The following MED27 variants were observed in gnomAD, a reference collection of about 807,000 sequenced individuals.
The protein encoded by MED27 is mediator of RNA polymerase II transcription subunit 27.
MED27 carries 30 observed loss-of-function variants against 38.2 expected under a neutral mutation model. That is an observed-to-expected ratio of 0.79 (90% CI 0.59 to 1.07). The LOEUF (loss-of-function observed/expected upper bound fraction) is 1.07. Ranked by LOEUF, MED27 falls within the 50% of genes least tolerant of loss-of-function variation. The pLI is 0.00. For synonymous variants in MED27, 122 were observed against 153.5 expected (o/e 0.79, Z 1.52); for missense variants, 289 against 397.5 (o/e 0.73, Z 2.32).
chr9:132,021,195 T>C (rs1832710488), intron 2 of MED27, among the ~76,000 whole-genome samples: 1 of 152,212 alleles, frequency 6.6e-6, no homozygotes, highest in South Asian at 2.1e-4. Flanking sequence ...ATATCTGTAA[T>C]GGTTAGGGTT....
chr9:132,039,313 C>G (rs549216192), intron 2 of MED27, among the ~76,000 whole-genome samples: 5 of 152,286 alleles, frequency 3.3e-5, no homozygotes, highest in Admixed American at 1.3e-4. Context: ...GAAGAGGAAG[C>G]TGTGTAACTG....
chr9:131,890,331 T>C (rs751238705), intron 5 of MED27, among the ~76,000 whole-genome samples: 20 of 152,150 alleles, frequency 1.3e-4, no homozygotes, highest in Non-Finnish European at 2.6e-4. Flanking sequence ...AAGCACTGCT[T>C]GGGCCAACGC....
At chr9:132,069,167 C>T (rs966397270) in intron 2 of MED27, among the ~76,000 whole-genome samples, 7 of 152,138 alleles carry the variant, frequency 4.6e-5, no homozygotes, top group Admixed American at 3.9e-4. Context: ...CCAGAAAAGG[C>T]TGATGGAAGA....
At position 131,883,350 on chromosome 9, in the gene MED27, G is replaced by A. The variant is rs1054324378; in HGVS notation, c.723+708C>T. On this transcript the variant is annotated intron_variant, in intron 6 of 7. Transcript: ENST00000292035. This position sits in a 1 kb window ranked among gnomAD's most constrained non-coding sequence, Gnocchi z 4.2. ...CTGTGGGGACTGGTGGGGGTGTGGC[G>A]GTGGGGACAGAATCCTCATCAGCCA... Among the ~76,000 whole-genome samples the A allele has an allele frequency of 1.3e-5, 2 of 152,186 alleles. No homozygotes were observed. Among genetic ancestry groups the A allele is most frequent in the Non-Finnish European group, 2.9e-5 (2 of 68,032 alleles).
At chr9:131,884,967 T>G (rs1839113320) in intron 5 of MED27, among the ~76,000 whole-genome samples, 1 of 152,196 alleles carries the variant, frequency 6.6e-6, no homozygotes, top group Admixed American at 6.5e-5. Flanking sequence ...GAAGCTCTAT[T>G]ATTTCTTTGT....
At chr9:132,046,784 C>T (rs1194840385) in intron 2 of MED27, among the ~76,000 whole-genome samples, 5 of 152,198 alleles carry the variant, frequency 3.3e-5, no homozygotes, top group Admixed American at 6.5e-5. Flanking sequence ...CCCGCACATA[C>T]GCACATACAC....
chr9:131,985,664 G>A (rs1264235760), intron 3 of MED27, among the ~76,000 whole-genome samples: 2 of 151,674 alleles, frequency 1.3e-5, no homozygotes, highest in Non-Finnish European at 2.9e-5. Flanking sequence ...GACTGTTACT[G>A]GTTTATGAAT....
intron 3 of MED27, among the ~76,000 whole-genome samples, chr9:131,959,805 T>C (rs1251562971): frequency 6.6e-6 from 1 of 152,166 alleles, no homozygotes; most frequent in East Asian, 1.9e-4. Context: ...GTGAAATCTA[T>C]CAGTATATAA....
chr9:131,986,840 T>C (rs549538793), intron 3 of MED27, among the ~76,000 whole-genome samples: 1 of 152,142 alleles, frequency 6.6e-6, no homozygotes, highest in African/African-American at 2.4e-5. Context: ...AATGAATCGT[T>C]ACATCCCCAG....
At chr9:132,079,184 A>C (rs1487779374) in intron 1 of MED27, among the ~76,000 whole-genome samples, 2 of 152,002 alleles carry the variant, frequency 1.3e-5, no homozygotes, top group African/African-American at 4.8e-5. Context: ...TGGTGGTGGA[A>C]CTGATGAAGT....
At chr9:132,002,143 G>A (rs151129289) in intron 3 of MED27, among the ~76,000 whole-genome samples, 110 of 152,284 alleles carry the variant, frequency 7.2e-4, no homozygotes, top group African/African-American at 2.5e-3. Flanking sequence ...AGGGCCAGCA[G>A]GCCCTGAGCT....
intron 4 of MED27, among the ~76,000 whole-genome samples, chr9:131,934,035 C>T (rs552240301): frequency 3.9e-5 from 6 of 152,246 alleles, no homozygotes; most frequent in African/African-American, 1.2e-4. Flanking sequence ...GAAAAGATAT[C>T]CCTTCAATAA....
chr9:132,056,144 A>C (rs1474681156), intron 2 of MED27, among the ~76,000 whole-genome samples: 1 of 152,226 alleles, frequency 6.6e-6, no homozygotes. Context: ...CATCAAAATA[A>C]CTATGGCATA....
chr9:131,926,236 A>G (rs1422652051), intron 4 of MED27, among the ~76,000 whole-genome samples: 1 of 152,260 alleles, frequency 6.6e-6, no homozygotes, highest in Non-Finnish European at 1.5e-5. Context: ...GCCTAGAACT[A>G]TGCCTTTATC....
At chr9:132,005,142 G>A (rs371584439) in intron 3 of MED27, among the ~76,000 whole-genome samples, 10 of 152,172 alleles carry the variant, frequency 6.6e-5, no homozygotes, top group African/African-American at 2.2e-4. Context: ...ACATAAAAAC[G>A]GACATTTCAG....
chr9:131,895,508 T>A (rs1374868102), intron 4 of MED27, among the ~76,000 whole-genome samples: 1 of 152,192 alleles, frequency 6.6e-6, no homozygotes, highest in Admixed American at 6.5e-5. Flanking sequence ...ACCTTCCTCT[T>A]TCCTTGATTA....
At chr9:131,955,634 T>A (rs988798245) in intron 3 of MED27, among the ~76,000 whole-genome samples, 1 of 152,240 alleles carries the variant, frequency 6.6e-6, no homozygotes, top group African/African-American at 2.4e-5. Context: ...CTTCGACAGC[T>A]AGACGAAGTG....
At chr9:131,871,443 T>C (rs1589171577) in intron 6 of MED27, among the ~76,000 whole-genome samples, 1 of 152,180 alleles carries the variant, frequency 6.6e-6, no homozygotes, top group East Asian at 1.9e-4. Flanking sequence ...AGCAGTTTCC[T>C]CTTTAAAAAG....
rs896995494 is a variant in MED27, at chr9:131,889,383, G to A, written c.681+4502C>T. ...ATCCCCCAAAAAGTTAAATTCGAAC[G>A]AGACACATTTTTTTTTCAGTTAAGT... is the stretch of plus-strand genomic sequence containing the variant. On this transcript the variant is annotated intron_variant, in intron 5 of 7. Coordinates refer to ENST00000292035, the MANE Select transcript of MED27 (RefSeq NM_004269.4). The surrounding 1 kb of genome is among the most constrained non-coding windows in gnomAD (Gnocchi z 4.2). Among the ~76,000 whole-genome samples, 3 of 152,128 alleles carry A rather than the reference G, an allele frequency of 2.0e-5. No individual in the cohort carries two copies. The highest frequency in any genetic ancestry group is 4.4e-5 in the Non-Finnish European group (3 of 68,032).
Sources: gnomAD v4.1 joint callset for allele counts (sites outside exome capture counted in the v4.1 genomes callset) on GRCh38, gnomAD v4.1.1 for gene constraint, Gnocchi (gnomAD v3.1) non-coding constraint, MANE v1.5 for transcripts, NCBI Gene and HGNC (gene_info 2026-07-23, HGNC 2026-07-21) for gene names.